Variants in SLC9A9 observed in about 807,000 individuals in gnomAD.
SLC9A9 encodes the protein solute carrier family 9 member A9.
Under a neutral mutation model 77.8 loss-of-function variants are expected in SLC9A9, and 62 were observed. The ratio of observed to expected loss-of-function variants is 0.80; its 90% CI spans 0.65 to 0.98. SLC9A9 has a LOEUF of 0.98. Among genes scored for constraint, SLC9A9 ranks in the 50% least tolerant of loss-of-function variants. The pLI is 0.00. For synonymous variants in SLC9A9, 320 were observed against 283.5 expected (o/e 1.13, Z -1.29); for missense variants, 775 against 774.9 (o/e 1.00, Z 0.00).
intron 11 of SLC9A9, among the ~76,000 whole-genome samples, chr3:143,483,376 G>A (rs182379586): frequency 2.6e-3 from 390 of 152,226 alleles, no homozygotes; most frequent in African/African-American, 9.1e-3. Context: ...TACTGAACTG[G>A]ATCCATCTAC....
chr3:143,682,537 T>C (rs968655732), intron 5 of SLC9A9, among the ~76,000 whole-genome samples: 2 of 151,560 alleles, frequency 1.3e-5, no homozygotes, highest in Non-Finnish European at 2.9e-5. Context: ...TTTAACATTA[T>C]ATTAGTTTGT....
chr3:143,404,817 C>T (rs866378348), intron 12 of SLC9A9, among the ~76,000 whole-genome samples: 10 of 152,174 alleles, frequency 6.6e-5, no homozygotes, highest in African/African-American at 2.4e-4. Flanking sequence ...GTCTATTTTC[C>T]TTGCCTTGTG....
intron 4 of SLC9A9, among the ~76,000 whole-genome samples, chr3:143,725,382 C>T (rs1206733828): frequency 2.0e-5 from 3 of 152,020 alleles, no homozygotes; most frequent in African/African-American, 7.2e-5. Context: ...CATCCCATTA[C>T]TGGGTATATA....
intron 12 of SLC9A9, among the ~76,000 whole-genome samples, chr3:143,421,297 C>T (rs774555228): frequency 6.6e-6 from 1 of 152,036 alleles, no homozygotes; most frequent in Non-Finnish European, 1.5e-5. Context: ...CAAAAAGAGC[C>T]CAAATAGCTA....
At chr3:143,295,139 T>A (rs2030205227) in intron 14 of SLC9A9, among the ~76,000 whole-genome samples, 1 of 152,234 alleles carries the variant, frequency 6.6e-6, no homozygotes, top group African/African-American at 2.4e-5. Context: ...CAGGAGAGTT[T>A]ATGTAAAAAT....
At chr3:143,581,543 C>T (rs1482191689) in intron 6 of SLC9A9, among the ~76,000 whole-genome samples, 1 of 151,936 alleles carries the variant, frequency 6.6e-6, no homozygotes, top group African/African-American at 2.4e-5. Context: ...TTTTGTCTTT[C>T]CTTCCTTTCT....
chr3:143,316,655 C>G (rs1230618823), intron 14 of SLC9A9, among the ~76,000 whole-genome samples: 1 of 152,068 alleles, frequency 6.6e-6, no homozygotes, highest in African/African-American at 2.4e-5. Flanking sequence ...AAATAATGCA[C>G]CCTGGGCATT....
chr3:143,283,608 T>C (rs1938289157), intron 14 of SLC9A9, among the ~76,000 whole-genome samples: 1 of 152,212 alleles, frequency 6.6e-6, no homozygotes. Flanking sequence ...CAAACCACTT[T>C]GGAAGGGTGC....
chr3:143,515,378 G>C (rs2036188325), intron 9 of SLC9A9, among the ~76,000 whole-genome samples: 1 of 152,114 alleles, frequency 6.6e-6, no homozygotes, highest in Non-Finnish European at 1.5e-5. Context: ...AGGCAGAGAG[G>C]CTTGCTCCAA....
At chr3:143,569,892 T>C (rs558114876) in intron 8 of SLC9A9, among the ~76,000 whole-genome samples, 2 of 150,976 alleles carry the variant, frequency 1.3e-5, no homozygotes, top group East Asian at 3.9e-4. Context: ...CTCATTGCAG[T>C]CTTGAACTCC....
chr3:143,705,044 TAG>T (rs58084739), intron 4 of SLC9A9, among the ~76,000 whole-genome samples: 77,258 of 140,060 alleles, frequency 0.55, 20,989 homozygotes, highest in Non-Finnish European at 0.59. Context: ...TCTATCTATA[TAG>T]ATATAGATAT....
intron 9 of SLC9A9, among the ~76,000 whole-genome samples, chr3:143,535,602 T>C (rs2036577957): frequency 6.6e-6 from 1 of 152,218 alleles, no homozygotes; most frequent in Admixed American, 6.5e-5. Flanking sequence ...GATTTTACAG[T>C]ACTTTCGACT....
At chr3:143,713,249 C>A (rs1468637790) in intron 4 of SLC9A9, among the ~76,000 whole-genome samples, 1 of 152,164 alleles carries the variant, frequency 6.6e-6, no homozygotes, top group Non-Finnish European at 1.5e-5. Context: ...TTGGGACATA[C>A]TAAATTCAGT....
At chr3:143,790,601 T>C (rs185865490) in intron 4 of SLC9A9, among the ~76,000 whole-genome samples, 5 of 152,358 alleles carry the variant, frequency 3.3e-5, no homozygotes, top group Admixed American at 2.6e-4. Context: ...GCATGTGTTC[T>C]AGAGTCAGAC....
chr3:143,784,304 C>A (rs1378826775), intron 4 of SLC9A9, among the ~76,000 whole-genome samples: 1 of 152,102 alleles, frequency 6.6e-6, no homozygotes, highest in East Asian at 1.9e-4. Context: ...AAATTTTATA[C>A]CCAGAGAACA....
At chr3:143,301,754 GTC>G (rs2030530143) in intron 14 of SLC9A9, among the ~76,000 whole-genome samples, 1 of 152,186 alleles carries the variant, frequency 6.6e-6, no homozygotes, top group Non-Finnish European at 1.5e-5. Flanking sequence ...GAGAACCACT[GTC>G]CTAGAGTGTT....
At chr3:143,279,066 C>T (rs1041365295) in intron 14 of SLC9A9, among the ~76,000 whole-genome samples, 5 of 152,114 alleles carry the variant, frequency 3.3e-5, no homozygotes, top group Non-Finnish European at 7.4e-5. Flanking sequence ...CACTGTGTCC[C>T]TTGAGTTACA....
chr3:143,618,935 A>G (rs1043257241), intron 6 of SLC9A9, among the ~76,000 whole-genome samples: 15 of 152,370 alleles, frequency 9.8e-5, no homozygotes, highest in African/African-American at 3.4e-4. Flanking sequence ...GGAGCATCAC[A>G]TCAAAGGGAC....
intron 1 of SLC9A9, among the ~76,000 whole-genome samples, chr3:143,835,975 G>A (rs1036283845): frequency 2.0e-5 from 3 of 152,204 alleles, no homozygotes; most frequent in Admixed American, 1.3e-4. Context: ...TGTATCCCCT[G>A]CTTCTTCAAG....
Sources: allele counts gnomAD v4.1 joint callset (sites outside exome capture counted in the v4.1 genomes callset), GRCh38; gene constraint gnomAD v4.1.1; transcripts MANE v1.5; gene names NCBI Gene and HGNC (gene_info 2026-07-23, HGNC 2026-07-21).